CCND3: variants seen among roughly 807,000 people sequenced by gnomAD.
The protein encoded by CCND3 is cyclin D3.
CCND3 carries 9 observed loss-of-function variants against 28.7 expected under a neutral mutation model. The observed-to-expected ratio is 0.31, with a 90% CI of 0.19 to 0.55. CCND3 has a LOEUF of 0.55. Ranked by LOEUF, CCND3 falls within the 20% of genes least tolerant of loss-of-function variation. The probability of loss-of-function intolerance (pLI) is 0.93; values close to 1 mark genes in which losing one functional copy is unlikely to be tolerated. For missense variants in CCND3, 315 were observed against 385.8 expected (o/e 0.82, Z 1.54); for synonymous variants, 164 against 163.9 (o/e 1.00, Z 0.00).
At chr6:42,041,008 C>T (rs1303335945) in intron 1 of CCND3, among the ~76,000 whole-genome samples, 2 of 152,078 alleles carry the variant, frequency 1.3e-5, no homozygotes, top group East Asian at 1.9e-4. Flanking sequence ...TACAACAGCC[C>T]CTGGCACATG....
chr6:41,987,515 CTCTGTGTG>C (rs1281290605), intron 1 of CCND3, among the ~76,000 whole-genome samples: 2 of 41,278 alleles, frequency 4.8e-5, no homozygotes, highest in East Asian at 1.3e-3. Flanking sequence ...CTCTCTCTCT[CTCTGTGTG>C]TGTGTGTGTG....
At chr6:42,010,204 G>C (rs1763299412) in intron 1 of CCND3, among the ~76,000 whole-genome samples, 4 of 152,134 alleles carry the variant, frequency 2.6e-5, no homozygotes. Context: ...ACCTGGGAGA[G>C]CCCTCCCTCT....
chr6:41,941,085 G>A lies in CCND3; in HGVS notation c.198+367C>T. On this transcript the variant is annotated intron_variant, in intron 1 of 4. Coordinates refer to ENST00000372991, the MANE Select transcript of CCND3 (RefSeq NM_001760.5). The surrounding 1 kb of genome is among the most constrained non-coding windows in gnomAD (Gnocchi z 6.1). ...CGAAAGACACAGGAACCGGCTCCCG[G>A]GCGGGGGCGGCCGAGCCCAGGGTTT... 6.4e-7 allele frequency: 1 copy of A among 1,553,732 alleles called. No individual in the cohort carries two copies. Among genetic ancestry groups the A allele is most frequent in the South Asian group, 1.2e-5 (1 of 82,890 alleles).
Position 41,935,516 on chromosome 6 carries a change from T to G in CCND3, c.*424A>C. On this transcript the variant is annotated 3_prime_UTR_variant, in exon 5 of 5. Transcript: ENST00000372991. ...ATATGTGTCTATCATGCATTAAATT[T>G]TAGAGGGACCCCAATCCAAATGCAA... 3.1e-6 allele frequency: 1 copy of G among 327,166 alleles called. No individual in the cohort carries two copies. The highest frequency in any genetic ancestry group is 4.4e-5 in the Admixed American group (1 of 22,892). The allele number at this position is 327,166 out of a possible 1,614,324, so 20.3% of individuals were successfully genotyped here.
At chr6:41,984,381 T>C (rs572549131) in intron 1 of CCND3, among the ~76,000 whole-genome samples, 9 of 152,158 alleles carry the variant, frequency 5.9e-5, no homozygotes, top group Non-Finnish European at 1.0e-4. Flanking sequence ...AGTTTCGCTC[T>C]TGTTGCCCAG....
chr6:41,989,965 T>C (rs1431988143), intron 1 of CCND3, among the ~76,000 whole-genome samples: 1 of 151,834 alleles, frequency 6.6e-6, no homozygotes, highest in African/African-American at 2.4e-5. Context: ...CCAGAGCAAT[T>C]AGGCAAGAGA....
At chr6:42,004,778 A>G (rs1042720902) in intron 1 of CCND3, among the ~76,000 whole-genome samples, 1 of 152,164 alleles carries the variant, frequency 6.6e-6, no homozygotes, top group African/African-American at 2.4e-5. Context: ...TATCCAAACC[A>G]GTATATCTTT....
intron 1 of CCND3, among the ~76,000 whole-genome samples, chr6:41,994,608 G>A (rs183846620): frequency 1.9e-4 from 29 of 152,248 alleles, no homozygotes; most frequent in Admixed American, 1.4e-3. Context: ...TAAGGTAAAT[G>A]CTGGTCTTTC....
intron 1 of CCND3, among the ~76,000 whole-genome samples, chr6:42,038,015 A>G (rs547360130): frequency 4.5e-5 from 6 of 134,458 alleles, no homozygotes; most frequent in African/African-American, 1.7e-4. Flanking sequence ...TGGGCGACAG[A>G]GTGAGACTCG....
chr6:42,022,611 C>T (rs942461513), intron 1 of CCND3, among the ~76,000 whole-genome samples: 28 of 152,194 alleles, frequency 1.8e-4, no homozygotes, highest in Non-Finnish European at 4.4e-5. Flanking sequence ...CAGGCTCCCC[C>T]CAACCGCCAG....
intron 1 of CCND3, among the ~76,000 whole-genome samples, chr6:42,034,147 C>CTTT (rs529799896): frequency 7.3e-6 from 1 of 137,640 alleles, no homozygotes; most frequent in East Asian, 2.1e-4. Flanking sequence ...AAGACCCTGT[C>CTTT]TTTTTTTTTT....
At chr6:41,973,060 T>C (rs1006265908) in intron 1 of CCND3, among the ~76,000 whole-genome samples, 3 of 152,146 alleles carry the variant, frequency 2.0e-5, no homozygotes, top group African/African-American at 7.2e-5. Flanking sequence ...CAATGAGACG[T>C]TGGGCTGGAA....
chr6:41,974,646 T>C (rs2127409314), intron 1 of CCND3, among the ~76,000 whole-genome samples: 1 of 152,248 alleles, frequency 6.6e-6, no homozygotes, highest in Middle Eastern at 3.4e-3. Context: ...CAGCCACCTG[T>C]TGAACCCACA....
intron 1 of CCND3, among the ~76,000 whole-genome samples, chr6:41,993,301 T>C (rs955203382): frequency 6.6e-6 from 1 of 152,138 alleles, no homozygotes. Context: ...TTTCTCCTCA[T>C]CCTCACAGCA....
intron 1 of CCND3, among the ~76,000 whole-genome samples, chr6:42,033,254 C>G (rs1764095494): frequency 6.6e-6 from 1 of 151,748 alleles, no homozygotes; most frequent in African/African-American, 2.4e-5. Flanking sequence ...GAGTTCGAGA[C>G]CAGCCTGGCC....
At chr6:41,957,798 A>T (rs1202281210) in intron 1 of CCND3, among the ~76,000 whole-genome samples, 7 of 152,072 alleles carry the variant, frequency 4.6e-5, no homozygotes, top group African/African-American at 1.7e-4. Context: ...AGCCATTCAC[A>T]GTTCCAGATT....
chr6:41,974,620 C>T (rs541951815), intron 1 of CCND3, among the ~76,000 whole-genome samples: 2 of 152,266 alleles, frequency 1.3e-5, no homozygotes, highest in Admixed American at 6.5e-5. Context: ...CCCAACTTAG[C>T]CGGGTCACAG....
chr6:41,976,173 G>A (rs1191457290), intron 1 of CCND3, among the ~76,000 whole-genome samples: 4 of 152,108 alleles, frequency 2.6e-5, no homozygotes, highest in East Asian at 1.9e-4. Flanking sequence ...CCAACATGGT[G>A]AAACCATGTC....
chr6:41,978,242 C>T (rs1302034689), intron 1 of CCND3, among the ~76,000 whole-genome samples: 4 of 151,780 alleles, frequency 2.6e-5, no homozygotes, highest in Admixed American at 2.0e-4. Flanking sequence ...GGCACGGTGG[C>T]GGGCACCTGT....
Sources: gnomAD v4.1 joint callset for allele counts (sites outside exome capture counted in the v4.1 genomes callset) on GRCh38, gnomAD v4.1.1 for gene constraint, Gnocchi (gnomAD v3.1) non-coding constraint, MANE v1.5 for transcripts, NCBI Gene and HGNC (gene_info 2026-07-23, HGNC 2026-07-21) for gene names.